DNM3: variants seen among roughly 807,000 people sequenced by gnomAD.
DNM3 encodes the protein dynamin 3, also known as dynamin-3.
Under a neutral mutation model 101.6 loss-of-function variants are expected in DNM3, and 47 were observed. The observed-to-expected ratio is 0.46, with a 90% CI of 0.37 to 0.59. DNM3 has a LOEUF of 0.59. Ranked by LOEUF, DNM3 falls within the 20% of genes least tolerant of loss-of-function variation. The pLI, the probability that DNM3 is intolerant of heterozygous loss-of-function variation, is 0.00. For missense variants in DNM3, 849 were observed against 1,085.7 expected, an observed-to-expected ratio of 0.78 and a Z score of 3.06; for synonymous variants, 385 against 387.9, an observed-to-expected ratio of 0.99 and a Z score of 0.09.
chr1:172,236,992 C>T (rs1360065356), intron 14 of DNM3, among the ~76,000 whole-genome samples: 2 of 152,092 alleles, frequency 1.3e-5, no homozygotes, highest in Non-Finnish European at 2.9e-5. Context: ...ATTATTGTAT[C>T]GTTTCGCCAA....
chr1:172,355,733 A>ATGG (rs2067421132), intron 17 of DNM3, among the ~76,000 whole-genome samples: 1 of 152,160 alleles, frequency 6.6e-6, no homozygotes, highest in South Asian at 2.1e-4. Flanking sequence ...CTAGAATGTA[A>ATGG]CACAGAAAGA....
intron 14 of DNM3, among the ~76,000 whole-genome samples, chr1:172,232,711 G>T (rs569553300): frequency 5.1e-4 from 77 of 152,174 alleles, no homozygotes; most frequent in African/African-American, 1.8e-3. Context: ...GTGCAATCAA[G>T]CTAGAACTCA....
intron 14 of DNM3, among the ~76,000 whole-genome samples, chr1:172,193,274 G>C (rs676215): frequency 0.5 from 75,947 of 151,960 alleles, 21,015 homozygotes; most frequent in African/African-American, 0.75. Flanking sequence ...GTATTTCATT[G>C]ATGATTTTTG....
At chr1:172,388,122 T>C (rs530167607) in intron 19 of DNM3, among the ~76,000 whole-genome samples, 10 of 151,878 alleles carry the variant, frequency 6.6e-5, no homozygotes, top group Non-Finnish European at 1.5e-4. Flanking sequence ...TGATCCCAGC[T>C]ACTCGGGAGG....
At chr1:172,316,181 C>A (rs2065343958) in intron 16 of DNM3, among the ~76,000 whole-genome samples, 1 of 151,900 alleles carries the variant, frequency 6.6e-6, no homozygotes, top group Admixed American at 6.6e-5. Flanking sequence ...CACAGACAAG[C>A]AAATGCTGAG....
In DNM3 at chr1:172,191,625, A is replaced by G. The variant is rs535780305; in HGVS notation, c.1659+60337A>G. On this transcript the variant is annotated intron_variant, in intron 14 of 20. Coordinates refer to ENST00000627582, the MANE Select transcript of DNM3 (RefSeq NM_015569.5). ...CTTGGGCAGTATGGCCATTTTCACA[A>G]TATTGGTTCTTGCTATCCATGAGCA... 5.9e-5 allele frequency among the ~76,000 whole-genome samples: 9 copies of G among 152,194 alleles called. No individual in the cohort carries two copies. The South Asian group carries it at 1.9e-3, about 32-fold the overall frequency.
At chr1:172,243,641 G>T (rs538596968) in intron 14 of DNM3, among the ~76,000 whole-genome samples, 1 of 152,296 alleles carries the variant, frequency 6.6e-6, no homozygotes, top group African/African-American at 2.4e-5. Context: ...AGACCGTGGA[G>T]TTTTCTTGAG....
chr1:172,311,126 A>G (rs1007074845), intron 16 of DNM3: 3 of 152,156 alleles, frequency 2.0e-5, no homozygotes, highest in Non-Finnish European at 4.4e-5. Flanking sequence ...ACAAGTAAGC[A>G]CTATATTTTC....
intron 10 of DNM3, among the ~76,000 whole-genome samples, chr1:172,067,203 T>C (rs1388600271): frequency 6.6e-6 from 1 of 152,244 alleles, no homozygotes; most frequent in African/African-American, 2.4e-5. Flanking sequence ...GCTTATTGAC[T>C]ATTAAGTCTT....
chr1:171,927,272 G>A (rs951890157), intron 2 of DNM3, among the ~76,000 whole-genome samples: 2 of 152,190 alleles, frequency 1.3e-5, no homozygotes, highest in African/African-American at 4.8e-5. Context: ...GGGGGTGCAT[G>A]TGAAGGTTTG....
intron 2 of DNM3, among the ~76,000 whole-genome samples, chr1:171,981,246 G>C (rs1461119202): frequency 6.6e-6 from 1 of 152,148 alleles, no homozygotes; most frequent in Non-Finnish European, 1.5e-5. Context: ...CCTGTACTCT[G>C]TTTTCACTGG....
intron 12 of DNM3, 146 bp from the exon 13 acceptor site, chr1:172,092,678 C>A: frequency 1.2e-6 from 1 of 816,804 alleles, no homozygotes; most frequent in Non-Finnish European, 1.8e-6. Flanking sequence ...GTTTTGCTTC[C>A]AGAATTAAAC....
At chr1:171,890,944 A>G (rs2037216602) in intron 1 of DNM3, among the ~76,000 whole-genome samples, 2 of 152,220 alleles carry the variant, frequency 1.3e-5, no homozygotes, top group Admixed American at 6.5e-5. Flanking sequence ...CTGGGATTAC[A>G]GATGTGAGCC....
chr1:171,852,055 A>G (rs2033039710), intron 1 of DNM3, among the ~76,000 whole-genome samples: 1 of 152,244 alleles, frequency 6.6e-6, no homozygotes, highest in Non-Finnish European at 1.5e-5. Flanking sequence ...TACCATTACT[A>G]TTCCACTAGG....
intron 12 of DNM3, among the ~76,000 whole-genome samples, chr1:172,085,685 A>G (rs763677419): frequency 4.6e-5 from 7 of 152,150 alleles, no homozygotes; most frequent in African/African-American, 9.7e-5. Context: ...TGAAAATTCT[A>G]TGGGTCTTAA....
intron 1 of DNM3, among the ~76,000 whole-genome samples, chr1:171,914,908 T>C (rs1415252212): frequency 6.7e-6 from 1 of 150,344 alleles, no homozygotes; most frequent in Non-Finnish European, 1.5e-5. Context: ...AGAGCTTAGG[T>C]AGAGACATGT....
intron 2 of DNM3, among the ~76,000 whole-genome samples, chr1:171,957,221 G>A (rs199688649): frequency 7.1e-5 from 10 of 140,906 alleles, no homozygotes; most frequent in Admixed American, 1.5e-4. Flanking sequence ...TTTTTGAGAC[G>A]GAGTCTCGCA....
intron 17 of DNM3, among the ~76,000 whole-genome samples, chr1:172,355,969 G>GA (rs2067434405): frequency 6.6e-6 from 1 of 151,932 alleles, no homozygotes; most frequent in Non-Finnish European, 1.5e-5. Context: ...AGCATCCAGA[G>GA]AAAAAATATA....
rs191611547 is a variant in DNM3 at position 172,100,473 on chromosome 1, A to C, written c.1545+7598A>C. On this transcript the variant is annotated intron_variant, in intron 13 of 20. Transcript: ENST00000627582. ...TCCAATGTTAAAAAGGTGACAGTTT[A>C]ATCAGTTCTTTAACAGATGGATAAC... Among the ~76,000 whole-genome samples the C allele has an allele frequency of 2.6e-3, 400 of 152,278 alleles. 1 individual carries two copies. The highest frequency in any genetic ancestry group is 4.6e-3 in the Non-Finnish European group (312 of 68,018).
Sources: gnomAD v4.1 joint callset for allele counts (sites outside exome capture counted in the v4.1 genomes callset) on GRCh38, gnomAD v4.1.1 for gene constraint, MANE v1.5 for transcripts, NCBI Gene and HGNC (gene_info 2026-07-23, HGNC 2026-07-21) for gene names.